The following PRR16 variants were observed in gnomAD, a reference collection of about 807,000 sequenced individuals.
The protein encoded by PRR16 is proline rich 16.
PRR16 carries 6 observed loss-of-function variants against 18.2 expected under a neutral mutation model. That is an observed-to-expected ratio of 0.33 (90% CI 0.18 to 0.65). PRR16 has a LOEUF of 0.65. Ranked by LOEUF, PRR16 falls within the 30% of genes least tolerant of loss-of-function variation. The pLI, the probability that PRR16 is intolerant of heterozygous loss-of-function variation, is 0.74. For synonymous variants in PRR16, 151 were observed against 147.8 expected, an observed-to-expected ratio of 1.02 and a Z score of -0.16; for missense variants, 412 against 376.6, an observed-to-expected ratio of 1.09 and a Z score of -0.78.
the PRR16 span, among the ~76,000 whole-genome samples, chr5:120,758,989 T>G: frequency 6.8e-6 from 1 of 147,816 alleles, no homozygotes; most frequent in African/African-American, 2.5e-5. Context: ...TTTTTTTTTT[T>G]TTTTGAGACG....
At chr5:120,678,449 A>G (rs987879793) in intron 1 of PRR16, among the ~76,000 whole-genome samples, 1 of 152,172 alleles carries the variant, frequency 6.6e-6, no homozygotes, top group African/African-American at 2.4e-5. Context: ...TCACTAGGCA[A>G]ATTCTTAGTG....
intron 1 of PRR16, among the ~76,000 whole-genome samples, chr5:120,514,972 C>T (rs1449968572): frequency 2.0e-5 from 3 of 152,172 alleles, no homozygotes; most frequent in Admixed American, 6.5e-5. Flanking sequence ...AACAGTCCCA[C>T]TTAGCTTCTT....
chr5:120,760,508 C>G, the PRR16 span, among the ~76,000 whole-genome samples: 1 of 151,994 alleles, frequency 6.6e-6, no homozygotes, highest in African/African-American at 2.4e-5. Context: ...CAAGAAACCC[C>G]TTGTTTTATT....
In PRR16 at chr5:120,685,996, G is replaced by A. The variant is rs1256289030; in HGVS notation, c.202G>A (p.Glu68Lys). The A allele has an allele frequency of 1.9e-6, 3 of 1,613,914 alleles. No individual in the cohort carries two copies. The highest frequency in any genetic ancestry group is 2.5e-6 in the Non-Finnish European group (3 of 1,179,960). ...CACCCTGACCTCTGACCTACAGCTG[G>A]AGGATGAGATGACTGACAGCTCCAA... is the stretch of plus-strand genomic sequence containing the variant. ...IDTLTSDLQL[E>K]DEMTDSSKTD... Residue 68 changes from glutamate (E) to lysine (K), a missense_variant, in exon 2 of 2, where the codon GAG becomes AAG. Glu to Lys is a moderately conservative substitution (Grantham distance 56). Transcript: ENST00000407149.
At chr5:120,525,941 C>G (rs1005000805) in intron 1 of PRR16, among the ~76,000 whole-genome samples, 6 of 152,088 alleles carry the variant, frequency 3.9e-5, no homozygotes, top group African/African-American at 1.4e-4. Flanking sequence ...CATTTTTGGA[C>G]AGGTGTTTCC....
chr5:120,752,389 C>T, the PRR16 span, among the ~76,000 whole-genome samples: 1 of 151,936 alleles, frequency 6.6e-6, no homozygotes, highest in South Asian at 2.1e-4. Flanking sequence ...AACAGAGAAA[C>T]CTGGCTTCAT....
At chr5:120,500,734 A>G (rs1267241035) in intron 1 of PRR16, among the ~76,000 whole-genome samples, 2 of 152,202 alleles carry the variant, frequency 1.3e-5, no homozygotes, top group Non-Finnish European at 2.9e-5. Context: ...GTATCACTAA[A>G]TAAAATCCAA....
chr5:120,569,420 T>A (rs1263302157), intron 1 of PRR16, among the ~76,000 whole-genome samples: 1 of 152,196 alleles, frequency 6.6e-6, no homozygotes, highest in East Asian at 1.9e-4. Flanking sequence ...AAACAGAATC[T>A]GTATACTTGA....
At chr5:120,741,329 A>G in the PRR16 span, among the ~76,000 whole-genome samples, 1 of 152,130 alleles carries the variant, frequency 6.6e-6, no homozygotes, top group Non-Finnish European at 1.5e-5. Flanking sequence ...ATCCTCCAGA[A>G]TAGCTGGGAT....
chr5:120,534,974 A>G (rs536186493), intron 1 of PRR16, among the ~76,000 whole-genome samples: 1 of 152,330 alleles, frequency 6.6e-6, no homozygotes, highest in Non-Finnish European at 1.5e-5. Context: ...ATTATTTTTA[A>G]AAGTATGTAT....
chr5:120,530,285 T>TATA (rs375750842), intron 1 of PRR16, among the ~76,000 whole-genome samples: 1,332 of 83,848 alleles, frequency 0.016, 8 homozygotes, highest in African/African-American at 0.022. Context: ...ATATATATAT[T>TATA]TATTTATTTA....
chr5:120,763,675 C>T, the PRR16 span, among the ~76,000 whole-genome samples: 1,127 of 152,132 alleles, frequency 7.4e-3, 19 homozygotes, highest in African/African-American at 0.026. Context: ...TTAATTCTTC[C>T]AATCCATGAG....
chr5:120,677,977 T>C (rs1052312450), intron 1 of PRR16, among the ~76,000 whole-genome samples: 8 of 143,802 alleles, frequency 5.6e-5, no homozygotes, highest in African/African-American at 2.1e-4. Flanking sequence ...TGGCGCGATC[T>C]CGGCTCACTG....
chr5:120,496,064 C>A (rs955742833), intron 1 of PRR16, among the ~76,000 whole-genome samples: 3 of 151,698 alleles, frequency 2.0e-5, no homozygotes, highest in Non-Finnish European at 4.4e-5. Context: ...CCAATTGATA[C>A]GATTATGTGA....
chr5:120,522,053 T>C lies in PRR16; in HGVS notation c.159+57408T>C, dbSNP rs1014171078. Among the ~76,000 whole-genome samples the C allele has an allele frequency of 3.3e-5, 5 of 152,372 alleles. No individual in the cohort carries two copies. The East Asian group carries it at 9.6e-4, about 29-fold the overall frequency. On this transcript the variant is annotated intron_variant, in intron 1 of 1. Transcript: ENST00000407149. ...TCCATGGTGTATATGTGCCACATTT[T>C]CTTAATCCAGTCTATCATTGTCATA...
At chr5:120,794,551 G>C in the PRR16 span, among the ~76,000 whole-genome samples, 1 of 152,044 alleles carries the variant, frequency 6.6e-6, no homozygotes, top group African/African-American at 2.4e-5. Context: ...ATATAAGATG[G>C]CGAACTTAAT....
intron 1 of PRR16, among the ~76,000 whole-genome samples, chr5:120,566,080 C>T (rs1460209747): frequency 6.6e-6 from 1 of 152,180 alleles, no homozygotes; most frequent in Non-Finnish European, 1.5e-5. Context: ...ACAGGACCTT[C>T]ACAAGGTCAT....
intron 1 of PRR16, among the ~76,000 whole-genome samples, chr5:120,524,066 T>C (rs1751274755): frequency 6.6e-6 from 1 of 151,992 alleles, no homozygotes; most frequent in Middle Eastern, 3.2e-3. Flanking sequence ...ATTGTTAGAG[T>C]AATAGTATTA....
At chr5:120,680,485 G>A (rs571330080) in intron 1 of PRR16, among the ~76,000 whole-genome samples, 21 of 152,212 alleles carry the variant, frequency 1.4e-4, no homozygotes, top group African/African-American at 4.8e-4. Flanking sequence ...TATACCAAAA[G>A]TGAAAAACCT....
Sources: gnomAD v4.1 joint callset for allele counts (sites outside exome capture counted in the v4.1 genomes callset) on GRCh38, gnomAD v4.1.1 for gene constraint, MANE v1.5 for transcripts, NCBI Gene and HGNC (gene_info 2026-07-23, HGNC 2026-07-21) for gene names.